Variants in CIBAR1 observed in about 807,000 individuals in gnomAD.
The protein encoded by CIBAR1 is CBY1 interacting BAR domain containing 1.
A neutral mutation model predicts 44.0 loss-of-function variants in CIBAR1; 25 were observed. The observed-to-expected ratio is 0.57, with a 90% CI of 0.41 to 0.79. The LOEUF (loss-of-function observed/expected upper bound fraction) is 0.79. CIBAR1 is among the 30% of genes least tolerant of loss of function. The pLI is 0.00. For missense variants in CIBAR1, 278 were observed against 344.8 expected (o/e 0.81, Z 1.53); for synonymous variants, 115 against 119.0 (o/e 0.97, Z 0.22).
chr8:93,720,404 AT>A, intron 7 of CIBAR1, among the ~76,000 whole-genome samples: 1 of 152,320 alleles, frequency 6.6e-6, no homozygotes, highest in South Asian at 2.1e-4. Flanking sequence ...GAAAGTACAT[AT>A]TACAGTATGT....
chr8:93,723,979 C>T (rs1811372877), intron 7 of CIBAR1, among the ~76,000 whole-genome samples: 1 of 152,184 alleles, frequency 6.6e-6, no homozygotes. Context: ...CACTTGTAAT[C>T]TCAGCATTAC....
rs1412128095 is a variant in CIBAR1, at chr8:93,700,616, C to A, written c.-32C>A. 8 of 1,482,114 alleles carry A rather than the reference C, an allele frequency of 5.4e-6. No homozygotes were observed. The Admixed American group carries it at 1.9e-4, about 36-fold the overall frequency. 91.8% of individuals were successfully genotyped at this position (1,482,114 alleles called of 1,614,324 possible). On this transcript the variant is annotated 5_prime_UTR_variant, in exon 1 of 9. Transcript: ENST00000518322. Reference sequence around the variant, plus strand: ...GCCTTGGAATCCCCGTCCTTGGGCCCCCGCAAGGTCCCCGGCCGTGCGCGA... The same window carrying A: ...GCCTTGGAATCCCCGTCCTTGGGCCACCGCAAGGTCCCCGGCCGTGCGCGA...
At position 93,704,936 on chromosome 8, in the gene CIBAR1, A is replaced by C; in HGVS notation, c.358A>C (p.Arg120=). 1 of 1,609,874 alleles carries C rather than the reference A, an allele frequency of 6.2e-7. No individual in the cohort carries two copies. Among genetic ancestry groups the C allele is most frequent in the Non-Finnish European group, 8.5e-7 (1 of 1,178,526 alleles). ...TGACCTCAAAGCAACACTCACAGCAAGGAATCGAGAAGCTAAGCAATTAAC... is the reference window on the plus strand; with the variant it reads ...TGACCTCAAAGCAACACTCACAGCACGGAATCGAGAAGCTAAGCAATTAAC... The part of the protein sequence containing the change: ...RDDLKATLTA[R]NREAKQLTQL... The change falls in exon 4 of 9, where the codon AGG becomes CGG. Residue 120 remains arginine (R), a synonymous_variant. Coordinates refer to ENST00000518322, the MANE Select transcript of CIBAR1 (RefSeq NM_145269.5).
At chr8:93,714,401 A>G (rs1486612289) in intron 6 of CIBAR1, among the ~76,000 whole-genome samples, 1 of 152,212 alleles carries the variant, frequency 6.6e-6, no homozygotes, top group Non-Finnish European at 1.5e-5. Context: ...GTTTTCTGCA[A>G]CAACCTACAA....
At chr8:93,725,300 A>C (rs1811442015) in intron 7 of CIBAR1, among the ~76,000 whole-genome samples, 1 of 152,166 alleles carries the variant, frequency 6.6e-6, no homozygotes, top group South Asian at 2.1e-4. Context: ...TTTTATATAT[A>C]ATAAGTGGCC....
At chr8:93,702,003 CAGG>C (rs1165050232) in intron 2 of CIBAR1, 6 of 228,108 alleles carry the variant, frequency 2.6e-5, no homozygotes, top group South Asian at 1.7e-4. Flanking sequence ...CTCTGGGTAG[CAGG>C]AGAAGTGTCC....
chr8:93,713,314 T>G (rs755567494), intron 6 of CIBAR1, among the ~76,000 whole-genome samples: 4 of 152,208 alleles, frequency 2.6e-5, no homozygotes, highest in Non-Finnish European at 5.9e-5. Flanking sequence ...ATTACAGGCG[T>G]GAGCCACCAT....
At chr8:93,710,135 G>C (rs934147133) in intron 6 of CIBAR1, among the ~76,000 whole-genome samples, 5 of 151,908 alleles carry the variant, frequency 3.3e-5, no homozygotes, top group Non-Finnish European at 7.4e-5. Context: ...AAACTAGCCA[G>C]GTGTGGTGGC....
Position 93,718,773 on chromosome 8 carries a change from A to C in CIBAR1, c.642A>C (p.Glu214Asp), listed in dbSNP as rs1484945554. 6.4e-7 allele frequency: 1 copy of C among 1,552,178 alleles called. No homozygotes were observed. The highest frequency in any genetic ancestry group is 1.9e-5 in the Admixed American group (1 of 53,230). ...AAYQNIQNID[E>D]DEDLEVFRNS... ...ACCAGAATATACAAAACATTGATGA[A>C]GATGAAGATTTAGAGGTAGGACTAT... Residue 214 changes from glutamate (E) to aspartate (D), a missense_variant, in exon 7 of 9, where the codon GAA becomes GAC. Coordinates refer to ENST00000518322, the MANE Select transcript of CIBAR1 (RefSeq NM_145269.5).
intron 6 of CIBAR1, chr8:93,716,175 C>G (rs1811028924): frequency 6.6e-6 from 1 of 152,218 alleles, no homozygotes; most frequent in Non-Finnish European, 1.5e-5. Context: ...ACCCAAGTAG[C>G]TGGCATTACA....
chr8:93,726,545 G>C, intron 8 of CIBAR1, 32 bp downstream of exon 8: 10 of 1,609,540 alleles, frequency 6.2e-6, no homozygotes, highest in Non-Finnish European at 8.5e-6. Context: ...AAAGGAATTT[G>C]AGCTGCTGCC....
At chr8:93,719,201 T>A (rs1405939884) in intron 7 of CIBAR1, among the ~76,000 whole-genome samples, 1 of 152,218 alleles carries the variant, frequency 6.6e-6, no homozygotes, top group African/African-American at 2.4e-5. Flanking sequence ...ATAGTGGTTA[T>A]TATGTGTAAT....
intron 5 of CIBAR1, 31 bp from the exon 6 acceptor site, chr8:93,709,740 T>G: frequency 6.3e-7 from 1 of 1,580,416 alleles, no homozygotes; most frequent in Non-Finnish European, 8.7e-7. Flanking sequence ...TTGATTTTTT[T>G]TATATCCTTG....
chr8:93,706,702 G>T (rs1180956638), intron 4 of CIBAR1, among the ~76,000 whole-genome samples: 1 of 152,200 alleles, frequency 6.6e-6, no homozygotes, highest in African/African-American at 2.4e-5. Flanking sequence ...GGTTCACATG[G>T]TGAGGAAATA....
rs962194794 is a variant in CIBAR1, at chr8:93,728,861, T to C, written c.*564T>C. On this transcript the variant is annotated 3_prime_UTR_variant, in exon 9 of 9. Transcript: ENST00000518322. ...ATGTTTTATGAATACACATAAGGCA[T>C]AAATTTCAGCTGTAAAAAAGCTACA... 5 of 152,110 alleles carry C rather than the reference T, an allele frequency of 3.3e-5. No individual in the cohort carries two copies. Among genetic ancestry groups the C allele is most frequent in the African/African-American group, 1.2e-4 (5 of 41,446 alleles). 9.4% of individuals were successfully genotyped at this position (152,110 alleles called of 1,614,324 possible). A position where few individuals can be genotyped will look rare whatever the true frequency, so the allele number is the denominator to read the frequency against.
chr8:93,703,751 A>G, intron 3 of CIBAR1, 63 bp downstream of exon 3: 6 of 1,343,574 alleles, frequency 4.5e-6, no homozygotes, highest in South Asian at 4.2e-5. Context: ...GAGGTTTCCA[A>G]TTGTTTTTTT....
intron 3 of CIBAR1, 119 bp from the exon 4 acceptor site, chr8:93,704,790 G>T: frequency 1.7e-6 from 1 of 595,020 alleles, no homozygotes; most frequent in Middle Eastern, 4.5e-4. Context: ...AATGGTACCA[G>T]GATCACACAA....
chr8:93,719,720 C>T (rs1811172256), intron 7 of CIBAR1: 2 of 152,222 alleles, frequency 1.3e-5, no homozygotes, highest in Admixed American at 1.3e-4. Context: ...AACATTAGAG[C>T]AAGTAAATAT....
rs189067749 is a variant in CIBAR1, at chr8:93,700,568, T to A, written c.-80T>A. 3 of 1,390,680 alleles carry A rather than the reference T, an allele frequency of 2.2e-6. No homozygotes were observed. The highest frequency in any genetic ancestry group is 2.8e-6 in the Non-Finnish European group (3 of 1,071,648). 86.1% of individuals were successfully genotyped at this position (1,390,680 alleles called of 1,614,324 possible). On this transcript the variant is annotated 5_prime_UTR_variant, in exon 1 of 9. Coordinates refer to ENST00000518322, the MANE Select transcript of CIBAR1 (RefSeq NM_145269.5). Reference sequence around the variant, plus strand: ...GGCTTTCAGGCTCCCGGCGGCTGCTTGCGCCCCAGCGCGCGCCCAGGCGCC... The same window carrying A: ...GGCTTTCAGGCTCCCGGCGGCTGCTAGCGCCCCAGCGCGCGCCCAGGCGCC...
Sources: allele counts gnomAD v4.1 joint callset (sites outside exome capture counted in the v4.1 genomes callset), GRCh38; gene constraint gnomAD v4.1.1; transcripts MANE v1.5; gene names NCBI Gene and HGNC (gene_info 2026-07-23, HGNC 2026-07-21).